Variants in NSMCE4A observed in about 807,000 individuals in gnomAD.
NSMCE4A encodes the protein NSE4A component of SMC5/6 complex.
A neutral mutation model predicts 47.9 loss-of-function variants in NSMCE4A; 40 were observed. The observed-to-expected ratio is 0.83, with a 90% CI of 0.65 to 1.09. The LOEUF is 1.09. Ranked by LOEUF, NSMCE4A falls within the 50% of genes least tolerant of loss-of-function variation. The pLI, the probability that NSMCE4A is intolerant of heterozygous loss-of-function variation, is 0.00. For missense variants in NSMCE4A, 500 were observed against 507.0 expected, an observed-to-expected ratio of 0.99 and a Z score of 0.13; for synonymous variants, 166 against 178.5, an observed-to-expected ratio of 0.93 and a Z score of 0.56.
At chr10:121,958,273 G>A (rs1018369264) in intron 10 of NSMCE4A, among the ~76,000 whole-genome samples, 1 of 152,116 alleles carries the variant, frequency 6.6e-6, no homozygotes, top group African/African-American at 2.4e-5. Context: ...CTTGCCCAAG[G>A]TTTTAAAGTA....
At position 121,963,229 on chromosome 10, in the gene NSMCE4A, T is replaced by C. The variant is rs1952534173; in HGVS notation, c.844+9A>G. The stretch of plus-strand genomic sequence containing the variant: ...CAAATTGCTCCACTTTGAATGGTGT[T>C]ACACTTACGATCTTCTCGAAAATAT... On this transcript the variant is annotated intron_variant, in intron 6 of 10. Transcript: ENST00000369023. 6.4e-7 allele frequency: 1 copy of C among 1,567,098 alleles called. No homozygotes were observed. The highest frequency in any genetic ancestry group is 1.4e-5 in the African/African-American group (1 of 74,056).
intron 1 of NSMCE4A, 103 bp from the exon 2 acceptor site, chr10:121,974,184 C>CCTCCGGT: frequency 7.4e-7 from 1 of 1,344,140 alleles, no homozygotes; most frequent in Non-Finnish European, 1.0e-6. Context: ...CCGGCCCCTG[C>CCTCCGGT]GCTCTGAGTA....
rs569037386 is a variant in NSMCE4A, at chr10:121,961,045, A to C, written c.939+378T>G. 3.9e-5 allele frequency among the ~76,000 whole-genome samples: 6 copies of C among 152,310 alleles called. No homozygotes were observed. In the South Asian group the frequency reaches 1.2e-3, roughly 32 times the overall value. The stretch of plus-strand genomic sequence containing the variant: ...TCTACATATTATTATTTATGAATGA[A>C]GTGAGAATGATAGGCGGCCTGCTTC... On this transcript the variant is annotated intron_variant, in intron 7 of 10. Transcript: ENST00000369023.
At chr10:121,961,679 A>G (rs776712779) in intron 6 of NSMCE4A, 162 bp from the exon 7 acceptor site, 23 of 505,010 alleles carry the variant, frequency 4.6e-5, no homozygotes, top group Non-Finnish European at 7.3e-5. Context: ...TCTACTAAAA[A>G]CATGTATGCC....
At chr10:121,958,832 T>C (rs572719513) in intron 10 of NSMCE4A, among the ~76,000 whole-genome samples, 3 of 152,154 alleles carry the variant, frequency 2.0e-5, no homozygotes, top group African/African-American at 7.2e-5. Context: ...AGTCTTTTTT[T>C]TGAGACAGAG....
At chr10:121,974,504 TGCAGC>T in intron 1 of NSMCE4A, 2 of 1,004,248 alleles carry the variant, frequency 2.0e-6, no homozygotes, top group Non-Finnish European at 2.4e-6. Flanking sequence ...CCGCTGCAGC[TGCAGC>T]TGCCGCTGCG....
Position 121,962,356 on chromosome 10 carries a change from T to TTGC in NSMCE4A, c.845-842_845-840dup, listed in dbSNP as rs200397705. On this transcript the variant is annotated intron_variant, in intron 6 of 10. Transcript: ENST00000369023. ...ATGGCGTGAACCCAGGAGGGAGAGG[T>TTGC]TGCAGTGAGCCAAGATCGCGCCACT... Among the ~76,000 whole-genome samples the TTGC allele has an allele frequency of 6.2e-3, 925 of 149,588 alleles. 22 individuals are homozygous for TTGC. Among genetic ancestry groups the TTGC allele is most frequent in the African/African-American group, 0.021 (873 of 40,672 alleles).
chr10:121,974,168 C>T (rs1186771775), intron 1 of NSMCE4A, 87 bp from the exon 2 acceptor site: 9 of 1,367,834 alleles, frequency 6.6e-6, no homozygotes, highest in Non-Finnish European at 9.2e-6. Context: ...ACAGTAAAGC[C>T]AAGCCCCGGC....
chr10:121,963,598 T>A (rs75527384), intron 5 of NSMCE4A, among the ~76,000 whole-genome samples: 1 of 34,806 alleles, frequency 2.9e-5, no homozygotes, highest in Non-Finnish European at 1.0e-4. Context: ...ACCTGGCTAA[T>A]TTTTTTTTTT....
rs755340105 is a variant in NSMCE4A at position 121,959,495 on chromosome 10, C to A, written c.1083+6G>T. ...AACTATGCAGGGGCAACAGGCAGAG[C>A]TTTACCTCCCAGTCACGGTAACTCA... is the stretch of plus-strand genomic sequence containing the variant. On this transcript the variant is annotated splice_donor_region_variant and intron_variant, in intron 9 of 10. Transcript: ENST00000369023. 1.2e-6 allele frequency: 2 copies of A among 1,613,654 alleles called. No individual in the cohort carries two copies. The highest frequency in any genetic ancestry group is 2.2e-5 in the East Asian group (1 of 44,866).
At chr10:121,958,031 C>T (rs984459156) in intron 10 of NSMCE4A, among the ~76,000 whole-genome samples, 2 of 151,882 alleles carry the variant, frequency 1.3e-5, no homozygotes, top group African/African-American at 4.8e-5. Context: ...AGTTCAAGAC[C>T]AGCCTGACCA....
intron 5 of NSMCE4A, among the ~76,000 whole-genome samples, 186 bp downstream of exon 5, chr10:121,965,100 G>A (rs1298563651): frequency 2.0e-5 from 3 of 152,094 alleles, no homozygotes; most frequent in African/African-American, 7.2e-5. Flanking sequence ...AGAGAAATGA[G>A]TTAAAACAAA....
intron 6 of NSMCE4A, chr10:121,961,977 GC>G: frequency 3.7e-6 from 1 of 267,072 alleles, no homozygotes; most frequent in Non-Finnish European, 7.4e-6. Context: ...ATGTGGTGGC[GC>G]GTGCGCCTGT....
At chr10:121,965,514 C>A (rs902480973) in intron 4 of NSMCE4A, 129 bp from the exon 5 acceptor site, 36 of 662,580 alleles carry the variant, frequency 5.4e-5, no homozygotes, top group Middle Eastern at 2.5e-4. Flanking sequence ...TACAAGCTGA[C>A]ATCAGAGTAA....
intron 2 of NSMCE4A, among the ~76,000 whole-genome samples, chr10:121,973,580 C>T (rs1952759225): frequency 6.6e-6 from 1 of 152,142 alleles, no homozygotes; most frequent in African/African-American, 2.4e-5. Flanking sequence ...TTGTGTTACA[C>T]GTGGACCAAT....
intron 5 of NSMCE4A, among the ~76,000 whole-genome samples, chr10:121,964,121 A>C (rs1193214022): frequency 6.7e-6 from 1 of 149,358 alleles, no homozygotes; most frequent in Non-Finnish European, 1.5e-5. Context: ...TTAAAAAAAA[A>C]CAGATTTTCT....
intron 3 of NSMCE4A, among the ~76,000 whole-genome samples, chr10:121,969,650 AATATTCATACTG>A (rs1952670379): frequency 6.6e-6 from 1 of 152,186 alleles, no homozygotes; most frequent in Non-Finnish European, 1.5e-5. Context: ...TTAGAAATGC[AATATTCATACTG>A]AGGTGCAGCT....
chr10:121,959,056 G>A (rs1330767222), intron 10 of NSMCE4A, among the ~76,000 whole-genome samples: 7 of 152,052 alleles, frequency 4.6e-5, no homozygotes, highest in African/African-American at 9.7e-5. Context: ...CTCATGATCC[G>A]CTTGCCTTGG....
Position 121,967,753 on chromosome 10 carries a change from T to G in NSMCE4A, c.555A>C (p.Glu185Asp). The G allele has an allele frequency of 6.2e-7, 1 of 1,614,150 alleles. No individual in the cohort carries two copies. Among genetic ancestry groups the G allele is most frequent in the Non-Finnish European group, 8.5e-7 (1 of 1,180,016 alleles). Residue 185 changes from glutamate to aspartate, a missense_variant, in exon 4 of 11, where the codon GAA becomes GAC. Transcript: ENST00000369023. ...CTATGAATTCAAAATCAGGACTATC[T>G]TCATCACGGATGAGTTCTTCAGCTT... ...PLEAEELIRD[E>D]DSPDFEFIVY... is the part of the protein sequence containing the mutation.
Sources: gnomAD v4.1 joint callset for allele counts (sites outside exome capture counted in the v4.1 genomes callset) on GRCh38, gnomAD v4.1.1 for gene constraint, MANE v1.5 for transcripts, NCBI Gene and HGNC (gene_info 2026-07-23, HGNC 2026-07-21) for gene names.